Variants in CFAP65 observed in about 807,000 individuals in gnomAD.
CFAP65 encodes the protein cilia- and flagella-associated protein 65.
CFAP65 carries 155 observed loss-of-function variants against 208.0 expected under a neutral mutation model. The observed-to-expected ratio is 0.75, with a 90% confidence interval of 0.65 to 0.85. CFAP65 has a LOEUF of 0.85. CFAP65 is among the 40% of genes least tolerant of loss of function. The probability of loss-of-function intolerance (pLI) is 0.00; values close to 1 mark genes in which losing one functional copy is unlikely to be tolerated. For synonymous variants in CFAP65, 970 were observed against 986.3 expected, an observed-to-expected ratio of 0.98 and a Z score of 0.31; for missense variants, 2,294 against 2,451.3, an observed-to-expected ratio of 0.94 and a Z score of 1.36.
At position 219,003,392 on chromosome 2, in the gene CFAP65, A is replaced by G; in HGVS notation, c.5556-120T>C. The G allele has an allele frequency of 2.4e-6, 3 of 1,231,496 alleles. No homozygotes were observed. Among genetic ancestry groups the G allele is most frequent in the Non-Finnish European group, 3.3e-6 (3 of 915,180 alleles). The allele number at this position is 1,231,496 out of a possible 1,614,324, so 76.3% of individuals were successfully genotyped here. ...CGGAGATTCCCATTCGACTCCCCTC[A>G]TCCACTACACTATGGGGCATTCTTG... On this transcript the variant is annotated intron_variant, in intron 33 of 34. Coordinates refer to ENST00000341552, the MANE Select transcript of CFAP65 (RefSeq NM_194302.4). The surrounding 1 kb of genome is among the most constrained non-coding windows in gnomAD (Gnocchi z 4.4).
intron 5 of CFAP65, chr2:219,034,370 A>G (rs1948226391): frequency 6.6e-6 from 1 of 152,246 alleles, no homozygotes. Context: ...TACTATTCAT[A>G]AAAATCAATT....
intron 24 of CFAP65, among the ~76,000 whole-genome samples, chr2:219,011,877 C>T (rs905630917): frequency 1.3e-5 from 2 of 152,204 alleles, no homozygotes; most frequent in African/African-American, 2.4e-5. Context: ...GCTTGTGTCC[C>T]CACAAAATCC....
Position 219,013,258 on chromosome 2 carries a change from C to T in CFAP65, c.3957+1G>A. On this transcript the variant is annotated splice_donor_variant, in intron 24 of 34. Coordinates refer to ENST00000341552, the MANE Select transcript of CFAP65 (RefSeq NM_194302.4). LOFTEE classifies it high-confidence loss of function. ...TCAACAGGACAATGTGGACCACTGA[C>T]CTGCCGTGGGGGTAGCGTGTCACCA... is the stretch of plus-strand genomic sequence containing the variant. 1 of 1,607,698 alleles carries T rather than the reference C, an allele frequency of 6.2e-7. No homozygotes were observed. Among genetic ancestry groups the T allele is most frequent in the Non-Finnish European group, 8.5e-7 (1 of 1,174,776 alleles).
At position 219,002,920 on chromosome 2, in the gene CFAP65, A is replaced by G. The variant is rs1178597210; in HGVS notation, c.*17T>C. 2 of 1,559,738 alleles carry G rather than the reference A, an allele frequency of 1.3e-6. No homozygotes were observed. The highest frequency in any genetic ancestry group is 3.9e-5 in the Admixed American group (2 of 51,162). On this transcript the variant is annotated 3_prime_UTR_variant, in exon 35 of 35. Coordinates refer to ENST00000341552, the MANE Select transcript of CFAP65 (RefSeq NM_194302.4). This position sits in a 1 kb window ranked among gnomAD's most constrained non-coding sequence, Gnocchi z 7.9. ...CGTGACCCCTAGCGGCATGTCGGAG[A>G]GGCTGGGCGCGGGCATTTACGGAAG...
At chr2:219,035,059 AGGTTCCATCCC>A in intron 5 of CFAP65, 1 of 345,702 alleles carries the variant, frequency 2.9e-6, no homozygotes, top group South Asian at 4.6e-5. Context: ...GTGGAATAGA[AGGTTCCATCCC>A]GCAAGGTCAC....
intron 23 of CFAP65, 32 bp from the exon 24 acceptor site, chr2:219,013,401 C>T: frequency 6.4e-7 from 1 of 1,565,134 alleles, no homozygotes; most frequent in Non-Finnish European, 8.7e-7. Context: ...GAGGAACTGA[C>T]ACAGCCAGTG....
Position 219,010,940 on chromosome 2 carries a change from A to G in CFAP65, c.4014T>C (p.Asp1338=), listed in dbSNP as rs532027686. 1.9e-6 allele frequency: 3 copies of G among 1,613,918 alleles called. No homozygotes were observed. In the African/African-American group the frequency reaches 4.0e-5, roughly 21 times the overall value. ...SVPVTYEVQT[D]VLSQVQEKNF... ...TTTTTTCCTGAACCTGTGACAGGAC[A>G]TCGGTCTGGACCTCATATGTCACGG... Residue 1338 remains aspartate (D), a synonymous_variant, in exon 25 of 35, where the codon GAT becomes GAC. Transcript: ENST00000341552.
In CFAP65 at chr2:219,021,764, G is replaced by C. The variant is rs1234844824; in HGVS notation, c.3130+16C>G. Reference sequence around the variant, plus strand: ...CCCACCTCCCCTGGCCCCAGTCCCAGCTCAGGCCCAAGTACCGAGGGGGTG... The same window carrying C: ...CCCACCTCCCCTGGCCCCAGTCCCACCTCAGGCCCAAGTACCGAGGGGGTG... On this transcript the variant is annotated intron_variant, in intron 18 of 34. Transcript: ENST00000341552. 1 of 1,612,696 alleles carries C rather than the reference G, an allele frequency of 6.2e-7. No individual in the cohort carries two copies. Among genetic ancestry groups the C allele is most frequent in the Non-Finnish European group, 8.5e-7 (1 of 1,179,678 alleles).
At chr2:219,025,233 C>T (rs559709887) in intron 14 of CFAP65, among the ~76,000 whole-genome samples, 2 of 152,114 alleles carry the variant, frequency 1.3e-5, no homozygotes, top group South Asian at 2.1e-4. Context: ...GGAAGGGGGC[C>T]GAGGGAGACA....
At chr2:219,018,219 G>A (rs559434953) in intron 21 of CFAP65, 5 of 152,362 alleles carry the variant, frequency 3.3e-5, no homozygotes, top group African/African-American at 1.2e-4. Flanking sequence ...CCCAGATGGG[G>A]ACACTTTTTT....
intron 1 of CFAP65, among the ~76,000 whole-genome samples, chr2:219,041,015 T>C (rs1948628071): frequency 1.3e-5 from 2 of 152,242 alleles, no homozygotes; most frequent in African/African-American, 4.8e-5. Flanking sequence ...CCCACTAGCC[T>C]GCACTATTCT....
chr2:219,032,432 G>C lies in CFAP65; in HGVS notation c.645+38C>G. On this transcript the variant is annotated intron_variant, in intron 6 of 34. Transcript: ENST00000341552. The surrounding 1 kb of genome is among the most constrained non-coding windows in gnomAD (Gnocchi z 5.5). ...TTCTGTTCTGAGGTCACTGCTCCCA[G>C]GTACCTCCCTGCCCTCACTCGCTGT... 2 of 1,532,768 alleles carry C rather than the reference G, an allele frequency of 1.3e-6. No individual in the cohort carries two copies. The highest frequency in any genetic ancestry group is 1.8e-6 in the Non-Finnish European group (2 of 1,131,046). The allele number at this position is 1,532,768 out of a possible 1,614,324, so 94.9% of individuals were successfully genotyped here. A position where few individuals can be genotyped will look rare whatever the true frequency, so the allele number is the denominator to read the frequency against.
At chr2:219,010,275 A>C (rs1946382119) in intron 26 of CFAP65, among the ~76,000 whole-genome samples, 190 bp from the exon 27 acceptor site, 2 of 151,814 alleles carry the variant, frequency 1.3e-5, no homozygotes, top group South Asian at 4.2e-4. Context: ...TCCTCATCCC[A>C]GTGAAGAGGG....
chr2:219,021,048 C>G, intron 19 of CFAP65, 104 bp downstream of exon 19: 2 of 1,341,840 alleles, frequency 1.5e-6, no homozygotes, highest in Admixed American at 2.6e-5. Flanking sequence ...CCCACTCACC[C>G]TGCCAGCTCT....
rs761018799 is a variant in CFAP65, at chr2:219,013,274, C to T, written c.3942G>A (p.Thr1314=). ...HQFIPIPIGD[T]LPPRQIYELY... ...GACCACTGACCTGCCGTGGGGGTAG[C>T]GTGTCACCAATGGGAATGGGGATGA... The change falls in exon 24 of 35, where the codon ACG becomes ACA. Residue 1314 remains threonine, a synonymous_variant. Coordinates refer to ENST00000341552, the MANE Select transcript of CFAP65 (RefSeq NM_194302.4). The T allele has an allele frequency of 2.0e-5, 32 of 1,612,822 alleles. No homozygotes were observed. Among genetic ancestry groups the T allele is most frequent in the South Asian group, 3.3e-5 (3 of 90,900 alleles).
At chr2:219,013,436 G>A in intron 23 of CFAP65, 67 bp from the exon 24 acceptor site, 1 of 1,544,002 alleles carries the variant, frequency 6.5e-7, no homozygotes, top group Non-Finnish European at 8.8e-7. Flanking sequence ...AGTTCCCCAG[G>A]AGAACACAGC....
chr2:219,008,391 T>A (rs977979712), intron 29 of CFAP65, among the ~76,000 whole-genome samples: 3 of 152,192 alleles, frequency 2.0e-5, no homozygotes, highest in Non-Finnish European at 4.4e-5. Flanking sequence ...ACTCCAGGAA[T>A]GAAACCTGGG....
rs766962191 is a variant in CFAP65 at position 219,021,266 on chromosome 2, G to C, written c.3145C>G (p.Arg1049Gly). The change falls in exon 19 of 35, where the codon CGA (arginine) becomes GGA (glycine). Residue 1049 changes from arginine to glycine, a missense_variant. Physicochemically the swap from Arg to Gly is moderately radical, Grantham distance 125. Around this residue, in one of 2 missense-constraint regions of CFAP65, gnomAD observed 1,427 missense variants for 1,438.7 expected, o/e 0.99. Transcript: ENST00000341552. The stretch of plus-strand genomic sequence containing the variant: ...CGGGGTGGCATGCTCCCCTCTGTTC[G>C]GTCCAGCTGCAGAGCTGCTCAGGGA... ...DNHPLALQLDRTEGSMPPRSQ... is the reference protein window; with the variant it reads ...DNHPLALQLDGTEGSMPPRSQ... The C allele has an allele frequency of 6.3e-7, 1 of 1,596,950 alleles. No individual in the cohort carries two copies. The highest frequency in any genetic ancestry group is 8.5e-7 in the Non-Finnish European group (1 of 1,171,310).
intron 5 of CFAP65, chr2:219,033,860 G>A (rs1048179155): frequency 1.3e-5 from 2 of 152,156 alleles, no homozygotes; most frequent in African/African-American, 4.8e-5. Context: ...AAATACAAAT[G>A]TGTGCATGAA....
Sources: gnomAD v4.1 joint callset for allele counts (sites outside exome capture counted in the v4.1 genomes callset) on GRCh38, gnomAD v4.1.1 for gene constraint, gnomAD v4.1.1 regional missense constraint, Gnocchi (gnomAD v3.1) non-coding constraint, MANE v1.5 for transcripts, NCBI Gene and HGNC (gene_info 2026-07-23, HGNC 2026-07-21) for gene names.